Variants in DDX60L observed in about 807,000 individuals in gnomAD.
DDX60L encodes the protein probable ATP-dependent RNA helicase DDX60-like.
In DDX60L, 191 loss-of-function variants were observed where a neutral mutation model predicts 211.6. The observed-to-expected ratio is 0.90, with a 90% CI of 0.80 to 1.02. DDX60L has a LOEUF of 1.02. DDX60L is among the 50% of genes least tolerant of loss of function. The pLI is 0.00. For synonymous variants in DDX60L, 706 were observed against 694.1 expected (o/e 1.02, Z -0.27); for missense variants, 2,007 against 1,984.1 (o/e 1.01, Z -0.22).
At chr4:168,448,104 GCAGT>G (rs1255810729) in intron 9 of DDX60L, among the ~76,000 whole-genome samples, 4 of 152,126 alleles carry the variant, frequency 2.6e-5, no homozygotes, top group Non-Finnish European at 5.9e-5. Flanking sequence ...TACATTTTAT[GCAGT>G]CAGTTTATTC....
chr4:168,472,214 G>C (rs1006464415), intron 3 of DDX60L, among the ~76,000 whole-genome samples: 2 of 152,174 alleles, frequency 1.3e-5, no homozygotes, highest in Non-Finnish European at 1.5e-5. Flanking sequence ...GATTCTAAAG[G>C]CTGTTATTCT....
rs539344750 is a variant in DDX60L at position 168,373,697 on chromosome 4, T to C, written c.4745A>G (p.Asn1582Ser). The C allele has an allele frequency of 1.1e-5, 18 of 1,613,902 alleles. No homozygotes were observed. The highest frequency in any genetic ancestry group is 1.4e-5 in the Non-Finnish European group (17 of 1,179,814). ...GATAGTCTCTGGTCGAAGCAAATCA[T>C]TATCTGTGTTCCCCGAAAGACAAAC... The part of the protein sequence containing the change: ...PFVCLSGNTD[N>S]DLLRPETINQ... Residue 1582 changes from asparagine to serine, a missense_variant, in exon 35 of 38, where the codon AAT becomes AGT. Transcript: ENST00000682922.
intron 30 of DDX60L, among the ~76,000 whole-genome samples, chr4:168,381,854 C>G (rs1293402018): frequency 3.3e-5 from 5 of 152,096 alleles, no homozygotes; most frequent in Non-Finnish European, 7.3e-5. Context: ...TACGCAGGAG[C>G]CCAGAAAATA....
At chr4:168,395,058 A>C (rs1487189135) in intron 27 of DDX60L, among the ~76,000 whole-genome samples, 3 of 152,208 alleles carry the variant, frequency 2.0e-5, no homozygotes, top group Admixed American at 6.5e-5. Context: ...CCAACCCCTT[A>C]AAAATGTCCA....
At chr4:168,402,971 G>A (rs1005251400) in intron 25 of DDX60L, among the ~76,000 whole-genome samples, 3 of 152,122 alleles carry the variant, frequency 2.0e-5, no homozygotes, top group Admixed American at 2.0e-4. Flanking sequence ...AATGAATCCT[G>A]TTTCTGTTCA....
At chr4:168,447,445 T>G (rs1045492236) in intron 9 of DDX60L, among the ~76,000 whole-genome samples, 2 of 151,372 alleles carry the variant, frequency 1.3e-5, no homozygotes, top group Non-Finnish European at 2.9e-5. Context: ...GACTGTAAAC[T>G]AGTTCAACCA....
intron 26 of DDX60L, among the ~76,000 whole-genome samples, chr4:168,400,491 T>C (rs1746605669): frequency 6.6e-6 from 1 of 152,148 alleles, no homozygotes; most frequent in Non-Finnish European, 1.5e-5. Flanking sequence ...CAATAGTGAA[T>C]AAGCGTTCTA....
At position 168,441,347 on chromosome 4, in the gene DDX60L, C is replaced by A. The variant is rs1222098251; in HGVS notation, c.1284G>T (p.Ser428=). Residue 428 remains serine, a synonymous_variant, in exon 10 of 38, where the codon TCG becomes TCT. Coordinates refer to ENST00000682922, the MANE Select transcript of DDX60L (RefSeq NM_001012967.3). The part of the protein sequence containing the change: ...TRRHFLRQEK[S]VIQEISLEKM... Reference sequence around the variant, plus strand: ...TTACCCATTTAGTACCTTGAATGACCGATTTCTCTTGTCTAAGAAAATGTC... The same window carrying A: ...TTACCCATTTAGTACCTTGAATGACAGATTTCTCTTGTCTAAGAAAATGTC... 2 of 1,604,686 alleles carry A rather than the reference C, an allele frequency of 1.2e-6. No homozygotes were observed. Among genetic ancestry groups the A allele is most frequent in the Non-Finnish European group, 8.5e-7 (1 of 1,175,986 alleles).
intron 6 of DDX60L, among the ~76,000 whole-genome samples, chr4:168,456,790 C>T (rs1756626713): frequency 6.6e-6 from 1 of 151,692 alleles, no homozygotes; most frequent in African/African-American, 2.4e-5. Flanking sequence ...TTTATATGAG[C>T]CAAAATTTTG....
In DDX60L at chr4:168,427,087, T is replaced by C. The variant is rs1369726172; in HGVS notation, c.1913A>G (p.Lys638Arg). The C allele has an allele frequency of 6.2e-7, 1 of 1,604,736 alleles. No homozygotes were observed. Among genetic ancestry groups the C allele is most frequent in the South Asian group, 1.1e-5 (1 of 89,546 alleles). ...TCCCATACCTTCACCTCGGCAATGTTTTTTCCATGCTTTAAAGCAGGCAAT... is the reference window on the plus strand; with the variant it reads ...TCCCATACCTTCACCTCGGCAATGTCTTTTCCATGCTTTAAAGCAGGCAAT... ...GLIACFKAWK[K>R]HCRGEGKISK... The change falls in exon 14 of 38, where the codon AAA becomes AGA. Residue 638 changes from lysine to arginine, a missense_variant. Transcript: ENST00000682922.
chr4:168,420,716 C>T (rs1227890563), intron 17 of DDX60L, among the ~76,000 whole-genome samples: 3 of 151,252 alleles, frequency 2.0e-5, no homozygotes, highest in Non-Finnish European at 4.4e-5. Flanking sequence ...TATTACATAT[C>T]ATGTATATGG....
At chr4:168,414,316 C>G (rs1377241615) in intron 22 of DDX60L, among the ~76,000 whole-genome samples, 2 of 152,034 alleles carry the variant, frequency 1.3e-5, no homozygotes, top group African/African-American at 4.8e-5. Flanking sequence ...CAGAAAAACA[C>G]AGAATATTAT....
chr4:168,400,809 T>C lies in DDX60L; in HGVS notation c.3491+17A>G. The C allele has an allele frequency of 6.3e-7, 1 of 1,586,924 alleles. No homozygotes were observed. The highest frequency in any genetic ancestry group is 8.6e-7 in the Non-Finnish European group (1 of 1,165,922). ...GTCTTCAGGGGCCAATTTGTTTAAG[T>C]AAACATTAATACTTACATCCTTTTC... On this transcript the variant is annotated intron_variant, in intron 26 of 37. Transcript: ENST00000682922.
At chr4:168,398,275 A>C (rs1292362362) in intron 26 of DDX60L, among the ~76,000 whole-genome samples, 1 of 152,146 alleles carries the variant, frequency 6.6e-6, no homozygotes, top group South Asian at 2.1e-4. Context: ...CCAAACTCAG[A>C]GAAAAGTTGA....
At chr4:168,456,365 A>C (rs1756569812) in intron 6 of DDX60L, among the ~76,000 whole-genome samples, 1 of 152,148 alleles carries the variant, frequency 6.6e-6, no homozygotes, top group Non-Finnish European at 1.5e-5. Flanking sequence ...TGAAAACCTA[A>C]ATATGTAAAG....
At chr4:168,397,004 C>T (rs1376794419) in intron 26 of DDX60L, among the ~76,000 whole-genome samples, 3 of 152,090 alleles carry the variant, frequency 2.0e-5, no homozygotes, top group South Asian at 2.1e-4. Context: ...GATTAAGTCA[C>T]GAAGACAGAG....
At chr4:168,391,923 A>G (rs1744904324) in intron 28 of DDX60L, among the ~76,000 whole-genome samples, 1 of 152,210 alleles carries the variant, frequency 6.6e-6, no homozygotes, top group Non-Finnish European at 1.5e-5. Flanking sequence ...ATGTCCAAAA[A>G]GACTTCCTGC....
chr4:168,394,118 G>A (rs1399461412), intron 28 of DDX60L, among the ~76,000 whole-genome samples: 8 of 151,704 alleles, frequency 5.3e-5, no homozygotes, highest in East Asian at 1.9e-4. Context: ...ATTGATTGAC[G>A]CTGGGAGGTG....
At chr4:168,420,467 C>T (rs1579521336) in intron 17 of DDX60L, 87 bp from the exon 18 acceptor site, 6 of 5,018 alleles carry the variant, frequency 1.2e-3, no homozygotes, top group Admixed American at 7.7e-3. Flanking sequence ...TACACATACA[C>T]ACACACACAC....
Sources: allele counts gnomAD v4.1 joint callset (sites outside exome capture counted in the v4.1 genomes callset), GRCh38; gene constraint gnomAD v4.1.1; transcripts MANE v1.5; gene names NCBI Gene and HGNC (gene_info 2026-07-23, HGNC 2026-07-21).